ATXN7L1: variants seen among roughly 807,000 people sequenced by gnomAD.
The protein encoded by ATXN7L1 is ataxin-7-like protein 1.
ATXN7L1 carries 15 observed loss-of-function variants against 70.8 expected under a neutral mutation model. The ratio of observed to expected loss-of-function variants is 0.21; its 90% CI spans 0.14 to 0.33. ATXN7L1 has a LOEUF of 0.33. Among genes scored for constraint, ATXN7L1 ranks in the 10% least tolerant of loss-of-function variants. The pLI is 1.00. For synonymous variants in ATXN7L1, 440 were observed against 445.1 expected (o/e 0.99, Z 0.14); for missense variants, 975 against 1,097.1 (o/e 0.89, Z 1.57).
intron 4 of ATXN7L1, among the ~76,000 whole-genome samples, chr7:105,656,019 T>C (rs1195840989): frequency 6.6e-6 from 1 of 152,236 alleles, no homozygotes; most frequent in Non-Finnish European, 1.5e-5. Context: ...TGTGGGTTGA[T>C]AAGGCCCAAA....
intron 4 of ATXN7L1, among the ~76,000 whole-genome samples, chr7:105,653,911 C>T (rs377041473): frequency 8.5e-5 from 13 of 152,156 alleles, no homozygotes; most frequent in East Asian, 3.8e-4. Context: ...TGTCCAGATC[C>T]GGAGGAAACA....
intron 3 of ATXN7L1, among the ~76,000 whole-genome samples, chr7:105,750,460 G>C (rs891323821): frequency 1.3e-5 from 2 of 151,664 alleles, no homozygotes; most frequent in African/African-American, 4.8e-5. Flanking sequence ...TTGTTTTGTA[G>C]AGACAAGGTC....
intron 3 of ATXN7L1, among the ~76,000 whole-genome samples, chr7:105,688,043 C>T (rs941938150): frequency 1.3e-5 from 2 of 152,166 alleles, no homozygotes; most frequent in South Asian, 2.1e-4. Context: ...ACCAAGGTTG[C>T]GGAGTGTCCC....
chr7:105,769,286 A>G (rs951859933), intron 3 of ATXN7L1, among the ~76,000 whole-genome samples: 2 of 152,194 alleles, frequency 1.3e-5, no homozygotes, highest in Non-Finnish European at 2.9e-5. Context: ...CATCTTCCAG[A>G]GACATTGCTG....
At chr7:105,656,988 A>C (rs1269199746) in intron 4 of ATXN7L1, among the ~76,000 whole-genome samples, 1 of 152,188 alleles carries the variant, frequency 6.6e-6, no homozygotes, top group Non-Finnish European at 1.5e-5. Context: ...TGAACTCTAG[A>C]GTAGTGTTTT....
chr7:105,724,907 G>A (rs1156706695), intron 3 of ATXN7L1, among the ~76,000 whole-genome samples: 1 of 151,914 alleles, frequency 6.6e-6, no homozygotes, highest in Non-Finnish European at 1.5e-5. Flanking sequence ...GCTCACTGCA[G>A]CCTCAAACTC....
At chr7:105,838,335 AT>A (rs1198054243) in intron 2 of ATXN7L1, among the ~76,000 whole-genome samples, 10 of 152,168 alleles carry the variant, frequency 6.6e-5, no homozygotes, top group Non-Finnish European at 1.3e-4. Context: ...TTTCACAGCT[AT>A]TTGCATAAGC....
intron 3 of ATXN7L1, among the ~76,000 whole-genome samples, chr7:105,758,371 A>G (rs1800070079): frequency 6.6e-6 from 1 of 152,234 alleles, no homozygotes; most frequent in Non-Finnish European, 1.5e-5. Context: ...TTTTCCACAC[A>G]TGAGAAGATT....
chr7:105,835,856 T>C (rs1812296454), intron 2 of ATXN7L1, among the ~76,000 whole-genome samples: 1 of 152,084 alleles, frequency 6.6e-6, no homozygotes, highest in African/African-American at 2.4e-5. Context: ...AAAAAGAAAC[T>C]TTCTTGGGAA....
At chr7:105,864,950 AAACT>A (rs1219194868) in intron 2 of ATXN7L1, among the ~76,000 whole-genome samples, 2 of 152,114 alleles carry the variant, frequency 1.3e-5, no homozygotes, top group African/African-American at 4.8e-5. Context: ...TTCACTCTTG[AAACT>A]AACAGTACAG....
intron 2 of ATXN7L1, among the ~76,000 whole-genome samples, chr7:105,834,804 G>A (rs1010946324): frequency 2.6e-5 from 4 of 152,228 alleles, no homozygotes; most frequent in East Asian, 1.9e-4. Flanking sequence ...TGCTGAGAAC[G>A]GGGAGAGGTA....
At chr7:105,641,178 G>A (rs1584464674) in intron 5 of ATXN7L1, among the ~76,000 whole-genome samples, 1 of 85,852 alleles carries the variant, frequency 1.2e-5, no homozygotes, top group Non-Finnish European at 2.3e-5. Flanking sequence ...CCCTTTTTTT[G>A]CTTTTTGTCT....
chr7:105,807,466 C>T (rs1011474953), intron 2 of ATXN7L1, among the ~76,000 whole-genome samples: 14 of 152,332 alleles, frequency 9.2e-5, no homozygotes, highest in Middle Eastern at 3.4e-3. Flanking sequence ...CCTTCTGACG[C>T]GGCACTCCTG....
intron 4 of ATXN7L1, among the ~76,000 whole-genome samples, chr7:105,661,375 G>C (rs1801584279): frequency 6.6e-6 from 1 of 152,186 alleles, no homozygotes; most frequent in African/African-American, 2.4e-5. Context: ...TATTGACTTA[G>C]GGTGGTTGCA....
At chr7:105,619,530 ATTTTTTTTTTTTTTTTTT>A (rs10593739) in intron 9 of ATXN7L1, among the ~76,000 whole-genome samples, 41 of 15,180 alleles carry the variant, frequency 2.7e-3, no homozygotes, top group Non-Finnish European at 2.9e-3. Flanking sequence ...ATATATATAT[ATTTTTTTTTTTTTTTTTT>A]TTTTTTTTTT....
In ATXN7L1 at chr7:105,640,526, A is replaced by T. The variant is rs183569743; in HGVS notation, c.863-957T>A. ...CTTAAAAATGAGGGGATGTGAGGTG[A>T]TCTCTTTTTTTCATTTTTATTTTTT... is the stretch of plus-strand genomic sequence containing the variant. On this transcript the variant is annotated intron_variant, in intron 5 of 11. Transcript: ENST00000419735. Among the ~76,000 whole-genome samples the T allele has an allele frequency of 6.1e-4, 93 of 152,174 alleles. 1 individual carries two copies. Among genetic ancestry groups the T allele is most frequent in the African/African-American group, 2.1e-3 (87 of 41,516 alleles).
chr7:105,860,128 AATATATATATATATATATAC>A lies in ATXN7L1; in HGVS notation c.250+15664_250+15683del, dbSNP rs1379894388. Among the ~76,000 whole-genome samples the A allele has an allele frequency of 5.1e-4, 36 of 70,796 alleles. 1 individual carries two copies. Among genetic ancestry groups the A allele is most frequent in the East Asian group, 4.7e-3 (9 of 1,924 alleles). 46.4% of individuals were successfully genotyped at this position (70,796 alleles called of 152,430 possible). A position where few individuals can be genotyped will look rare whatever the true frequency, so the allele number is the denominator to read the frequency against. ...ATATACAGATAGATCTTTATATGTA[AATATATATATATATATATAC>A]ATATATATATATATATATATGAAAA... On this transcript the variant is annotated intron_variant, in intron 2 of 11. Coordinates refer to ENST00000419735, the MANE Select transcript of ATXN7L1 (RefSeq NM_020725.2).
At chr7:105,740,054 T>C (rs930832256) in intron 3 of ATXN7L1, among the ~76,000 whole-genome samples, 1 of 152,228 alleles carries the variant, frequency 6.6e-6, no homozygotes, top group Admixed American at 6.5e-5. Context: ...CTTACTGTGA[T>C]CCACTCTGTT....
chr7:105,632,566 A>G (rs964455509), intron 7 of ATXN7L1, among the ~76,000 whole-genome samples: 1 of 152,210 alleles, frequency 6.6e-6, no homozygotes, highest in Non-Finnish European at 1.5e-5. Flanking sequence ...CCAGAAGAGG[A>G]TAAGTATCTC....
Sources: allele counts gnomAD v4.1 joint callset (sites outside exome capture counted in the v4.1 genomes callset), GRCh38; gene constraint gnomAD v4.1.1; transcripts MANE v1.5; gene names NCBI Gene and HGNC (gene_info 2026-07-23, HGNC 2026-07-21).